Variants in KCNB2 observed in about 807,000 individuals in gnomAD.
KCNB2 encodes potassium voltage-gated channel subfamily B member 2.
A neutral mutation model predicts 61.5 loss-of-function variants in KCNB2; 15 were observed. The ratio of observed to expected loss-of-function variants is 0.24; its 90% CI spans 0.16 to 0.38. The LOEUF (loss-of-function observed/expected upper bound fraction) is 0.38, where lower values mean the gene tolerates loss of function less well. Ranked by LOEUF, KCNB2 falls within the 10% of genes least tolerant of loss-of-function variation. The pLI, the probability that KCNB2 is intolerant of heterozygous loss-of-function variation, is 1.00. For missense variants in KCNB2, 828 were observed against 1,125.2 expected, an observed-to-expected ratio of 0.74 and a Z score of 3.78; for synonymous variants, 457 against 446.0, an observed-to-expected ratio of 1.02 and a Z score of -0.31.
chr8:72,929,016 T>C (rs368427893), intron 2 of KCNB2, among the ~76,000 whole-genome samples: 1 of 152,162 alleles, frequency 6.6e-6, no homozygotes, highest in South Asian at 2.1e-4. Flanking sequence ...CTTACACTTA[T>C]CACATTCTGC....
intron 2 of KCNB2, among the ~76,000 whole-genome samples, chr8:72,749,673 A>AT (rs1808150656): frequency 6.7e-6 from 1 of 149,326 alleles, no homozygotes; most frequent in Non-Finnish European, 1.5e-5. Flanking sequence ...GCTTTAAAAG[A>AT]TTTTTTTACT....
chr8:72,766,713 A>G (rs1262600391), intron 2 of KCNB2, among the ~76,000 whole-genome samples: 1 of 152,248 alleles, frequency 6.6e-6, no homozygotes, highest in African/African-American at 2.4e-5. Flanking sequence ...AATATGATCC[A>G]TAGATACCTA....
At chr8:72,539,581 A>G (rs1259313884) in intron 1 of KCNB2, among the ~76,000 whole-genome samples, 1 of 152,026 alleles carries the variant, frequency 6.6e-6, no homozygotes, top group African/African-American at 2.4e-5. Context: ...TCTCCATGTT[A>G]GTGTTCTCAA....
intron 2 of KCNB2, among the ~76,000 whole-genome samples, chr8:72,858,517 T>G (rs1285317446): frequency 4.6e-5 from 7 of 152,234 alleles, no homozygotes; most frequent in Non-Finnish European, 8.8e-5. Context: ...TGTTAAATAA[T>G]TTTTTCATAC....
At chr8:72,914,340 T>C (rs1164612686) in intron 2 of KCNB2, among the ~76,000 whole-genome samples, 1 of 152,178 alleles carries the variant, frequency 6.6e-6, no homozygotes, top group Non-Finnish European at 1.5e-5. Context: ...GAAAATGAAA[T>C]TTAGGAGAAA....
intron 2 of KCNB2, among the ~76,000 whole-genome samples, chr8:72,570,160 C>T (rs994461161): frequency 6.6e-6 from 1 of 152,106 alleles, no homozygotes; most frequent in Non-Finnish European, 1.5e-5. Flanking sequence ...TAGACCTTTA[C>T]ATATGTATCC....
chr8:72,835,836 T>G (rs941853823), intron 2 of KCNB2, among the ~76,000 whole-genome samples: 3 of 152,202 alleles, frequency 2.0e-5, no homozygotes, highest in Non-Finnish European at 4.4e-5. Flanking sequence ...GCAATCCTAC[T>G]GATGCTCATT....
rs769263287 is a variant in KCNB2 at position 72,841,372 on chromosome 8, C to CTT, written c.580-94546_580-94545dup. 9.8e-3 allele frequency among the ~76,000 whole-genome samples: 334 copies of CTT among 34,210 alleles called. 5 individuals carry two copies. The highest frequency in any genetic ancestry group is 0.019 in the African/African-American group (253 of 13,028). The allele number at this position is 34,210 out of a possible 152,430, so 22.4% of individuals were successfully genotyped here. A position where few individuals can be genotyped will look rare whatever the true frequency, so the allele number is the denominator to read the frequency against. On this transcript the variant is annotated intron_variant, in intron 2 of 2. Transcript: ENST00000523207. ...CTTTGTTTTCTTTTCTTTTTTTTTT[C>CTT]TTTTTTTTTTTTTTTTTTGCTTAGG...
chr8:72,636,451 C>T (rs1805968558), intron 2 of KCNB2, among the ~76,000 whole-genome samples: 2 of 152,170 alleles, frequency 1.3e-5, no homozygotes. Flanking sequence ...CTATTTAGCT[C>T]TAATCCTTTC....
At chr8:72,852,780 T>C (rs1810141065) in intron 2 of KCNB2, among the ~76,000 whole-genome samples, 1 of 152,236 alleles carries the variant, frequency 6.6e-6, no homozygotes, top group South Asian at 2.1e-4. Context: ...TAGAAGTTTA[T>C]AAAGTTGATC....
intron 2 of KCNB2, among the ~76,000 whole-genome samples, chr8:72,726,137 A>T (rs998382967): frequency 1.3e-5 from 2 of 152,180 alleles, no homozygotes; most frequent in Non-Finnish European, 2.9e-5. Context: ...GGTTAAGATG[A>T]AATAAGGATG....
At chr8:72,749,780 AT>A (rs1199886903) in intron 2 of KCNB2, among the ~76,000 whole-genome samples, 3 of 146,196 alleles carry the variant, frequency 2.1e-5, no homozygotes, top group East Asian at 1.9e-4. Flanking sequence ...ATATATACAA[AT>A]ATTATATATA....
chr8:72,722,578 G>A (rs1461288776), intron 2 of KCNB2, among the ~76,000 whole-genome samples: 4 of 152,192 alleles, frequency 2.6e-5, no homozygotes, highest in African/African-American at 4.8e-5. Context: ...ATCTTATGGG[G>A]TCATCGAATC....
At chr8:72,914,621 C>G (rs1361266363) in intron 2 of KCNB2, among the ~76,000 whole-genome samples, 2 of 152,122 alleles carry the variant, frequency 1.3e-5, no homozygotes, top group African/African-American at 4.8e-5. Context: ...GTGATTACAC[C>G]TCAGATCTAA....
At chr8:72,628,011 T>C (rs1805818062) in intron 2 of KCNB2, among the ~76,000 whole-genome samples, 1 of 152,158 alleles carries the variant, frequency 6.6e-6, no homozygotes, top group Admixed American at 6.6e-5. Context: ...TGGAGTGCAG[T>C]GGTGGGATCT....
intron 2 of KCNB2, among the ~76,000 whole-genome samples, chr8:72,662,094 A>G (rs1055318350): frequency 1.3e-5 from 2 of 152,184 alleles, no homozygotes; most frequent in Admixed American, 1.3e-4. Flanking sequence ...TGCTTAAAGT[A>G]AACTTCCAAT....
At chr8:72,545,663 T>A (rs1806248171) in intron 1 of KCNB2, among the ~76,000 whole-genome samples, 1 of 152,120 alleles carries the variant, frequency 6.6e-6, no homozygotes, top group African/African-American at 2.4e-5. Flanking sequence ...CAATGACCTT[T>A]AAGTATCCAA....
intron 2 of KCNB2, among the ~76,000 whole-genome samples, chr8:72,682,593 T>TAAA: frequency 7.5e-6 from 1 of 133,358 alleles, no homozygotes; most frequent in African/African-American, 2.8e-5. Flanking sequence ...AAGTTGAATT[T>TAAA]AAAAAAAAAA....
intron 2 of KCNB2, among the ~76,000 whole-genome samples, chr8:72,684,694 A>G (rs2128989424): frequency 6.6e-6 from 1 of 152,324 alleles, no homozygotes; most frequent in African/African-American, 2.4e-5. Flanking sequence ...TTAGATTTAA[A>G]AAGAGTATTT....
Sources: gnomAD v4.1 joint callset for allele counts (sites outside exome capture counted in the v4.1 genomes callset) on GRCh38, gnomAD v4.1.1 for gene constraint, MANE v1.5 for transcripts, NCBI Gene and HGNC (gene_info 2026-07-23, HGNC 2026-07-21) for gene names.